Variants in USP13 observed in about 807,000 individuals in gnomAD.
The protein encoded by USP13 is ubiquitin specific peptidase 13, also known as ubiquitin carboxyl-terminal hydrolase 13.
A neutral mutation model predicts 107.8 loss-of-function variants in USP13; 68 were observed. That is an observed-to-expected ratio of 0.63 (90% CI 0.52 to 0.77). The LOEUF (loss-of-function observed/expected upper bound fraction) is 0.77. Among genes scored for constraint, USP13 ranks in the 30% least tolerant of loss-of-function variants. USP13 has a pLI of 0.00. For missense variants in USP13, 945 were observed against 1,093.3 expected (o/e 0.86, Z 1.91); for synonymous variants, 377 against 389.5 (o/e 0.97, Z 0.38).
intron 9 of USP13, 117 bp downstream of exon 9, chr3:179,730,377 G>A: frequency 8.8e-7 from 1 of 1,133,700 alleles, no homozygotes; most frequent in Non-Finnish European, 1.3e-6. Flanking sequence ...TTAAAAAAGT[G>A]TTCCAAAATG....
chr3:179,741,949 A>G (rs944366604), intron 11 of USP13, among the ~76,000 whole-genome samples: 3 of 151,638 alleles, frequency 2.0e-5, no homozygotes, highest in African/African-American at 7.3e-5. Context: ...TTTCTCTCCC[A>G]TGGTTTTTAA....
chr3:179,754,675 T>A (rs1428336453), intron 14 of USP13, 57 bp from the exon 15 acceptor site: 1 of 1,572,842 alleles, frequency 6.4e-7, no homozygotes, highest in East Asian at 2.3e-5. Context: ...ATAGTGCTGG[T>A]ATTATAATAA....
intron 6 of USP13, 58 bp downstream of exon 6, chr3:179,709,015 A>G: frequency 6.4e-7 from 1 of 1,554,034 alleles, no homozygotes; most frequent in Non-Finnish European, 8.7e-7. Flanking sequence ...AGATTTAACC[A>G]ATCCCTGAAT....
intron 14 of USP13, among the ~76,000 whole-genome samples, chr3:179,754,211 G>C (rs1714708007): frequency 6.6e-6 from 1 of 151,514 alleles, no homozygotes; most frequent in Admixed American, 6.5e-5. Flanking sequence ...ATAAGACTCA[G>C]AGTAGCACAA....
intron 10 of USP13, among the ~76,000 whole-genome samples, chr3:179,731,223 C>T (rs1713793532): frequency 6.6e-6 from 1 of 152,116 alleles, no homozygotes; most frequent in African/African-American, 2.4e-5. Context: ...CCAGCCTGGC[C>T]AACATGGTGA....
At chr3:179,708,006 C>T (rs1223665174) in intron 5 of USP13, among the ~76,000 whole-genome samples, 2 of 152,180 alleles carry the variant, frequency 1.3e-5, no homozygotes, top group African/African-American at 2.4e-5. Context: ...AGTTGGTCTC[C>T]TTTCTAATTA....
chr3:179,701,190 G>T (rs1712506472), intron 4 of USP13, 61 bp downstream of exon 4: 1 of 1,097,662 alleles, frequency 9.1e-7, no homozygotes, highest in Non-Finnish European at 1.2e-6. Flanking sequence ...GTGTGTGTGC[G>T]TGTGCGATGT....
intron 2 of USP13, among the ~76,000 whole-genome samples, chr3:179,683,028 T>C (rs962826706): frequency 3.9e-5 from 6 of 152,086 alleles, no homozygotes; most frequent in African/African-American, 1.4e-4. Context: ...ATCTAAATAT[T>C]TGGCACATCT....
rs144601583 is a variant in USP13 at position 179,708,924 on chromosome 3, G to A, written c.772G>A (p.Val258Met). The change falls in exon 6 of 21, where the codon GTG (valine) becomes ATG (methionine). Residue 258 changes from valine to methionine, a missense_variant. Physicochemically the swap from Val to Met is conservative, Grantham distance 21 (BLOSUM62 1). Transcript: ENST00000263966. ...HYRDMGYPLA[V>M]KLGTITPDGA... ...CAGAGACATGGGCTACCCACTAGCC[G>A]TGAAACTGGGAACCATCACTCCTGA... The A allele has an allele frequency of 3.3e-5, 53 of 1,614,034 alleles. No individual in the cohort carries two copies. The highest frequency in any genetic ancestry group is 4.2e-5 in the Non-Finnish European group (50 of 1,180,032).
intron 8 of USP13, among the ~76,000 whole-genome samples, chr3:179,728,742 G>A (rs1247223625): frequency 1.3e-5 from 2 of 152,204 alleles, no homozygotes; most frequent in African/African-American, 4.8e-5. Context: ...CACCTCGGGA[G>A]GCCGAGGCTG....
intron 1 of USP13, among the ~76,000 whole-genome samples, chr3:179,672,095 G>C (rs554132204): frequency 6.6e-6 from 1 of 152,256 alleles, no homozygotes; most frequent in South Asian, 2.1e-4. Context: ...AACACCTACC[G>C]ATTGACAAAG....
intron 15 of USP13, 96 bp downstream of exon 15, chr3:179,754,950 C>T (rs1387286179): frequency 2.1e-6 from 3 of 1,448,460 alleles, no homozygotes; most frequent in Non-Finnish European, 2.8e-6. Flanking sequence ...CTACCACCAC[C>T]ACCCATTGGT....
intron 15 of USP13, among the ~76,000 whole-genome samples, chr3:179,755,519 C>T (rs1323069481): frequency 2.0e-5 from 3 of 152,120 alleles, no homozygotes; most frequent in Admixed American, 6.5e-5. Context: ...AGGATGGTCT[C>T]GATCTCCTGA....
intron 16 of USP13, among the ~76,000 whole-genome samples, chr3:179,760,000 T>G (rs905079063): frequency 2.0e-5 from 3 of 152,156 alleles, no homozygotes; most frequent in African/African-American, 7.2e-5. Flanking sequence ...ACAAAATTTT[T>G]GTAGAACAGC....
intron 3 of USP13, among the ~76,000 whole-genome samples, chr3:179,691,168 A>T (rs148697716): frequency 8.6e-4 from 2 of 2,314 alleles, no homozygotes; most frequent in Non-Finnish European, 1.5e-3. Flanking sequence ...TCCTGTCTTT[A>T]AAAAAAAAAA....
In USP13 at chr3:179,727,935, C is replaced by A. The variant is rs1319578531; in HGVS notation, c.1089-2254C>A. Among the ~76,000 whole-genome samples, 2 of 65,318 alleles carry A rather than the reference C, an allele frequency of 3.1e-5. 1 individual carries two copies. Among genetic ancestry groups the A allele is most frequent in the Non-Finnish European group, 8.0e-5 (2 of 24,850 alleles). 42.9% of individuals were successfully genotyped at this position (65,318 alleles called of 152,430 possible). A position where few individuals can be genotyped will look rare whatever the true frequency, so the allele number is the denominator to read the frequency against. ...TGGCCAGGTGGGGGGCTGACCCCCC[C>A]ACCTCCCTCTCGGACGAGGCGGCTG... On this transcript the variant is annotated intron_variant, in intron 8 of 20. Transcript: ENST00000263966.
intron 19 of USP13, among the ~76,000 whole-genome samples, chr3:179,774,719 G>T (rs1015448200): frequency 6.6e-6 from 1 of 152,184 alleles, no homozygotes; most frequent in African/African-American, 2.4e-5. Flanking sequence ...GACCCAAGCA[G>T]GTTGCCACTG....
rs746689506 is a variant in USP13 at position 179,784,125 on chromosome 3, G to T, written c.2576G>T (p.Arg859Leu). The T allele has an allele frequency of 3.7e-6, 6 of 1,610,928 alleles. No individual in the cohort carries two copies. Among genetic ancestry groups the T allele is most frequent in the Admixed American group, 1.7e-5 (1 of 59,418 alleles). The change falls in exon 21 of 21, where the codon CGC becomes CTC. Residue 859 changes from arginine (R) to leucine (L), a missense_variant. By Grantham distance (102) the Arg-to-Leu change is moderately radical. Transcript: ENST00000263966. The stretch of plus-strand genomic sequence containing the variant: ...GACCTGGGCTACATGTACTTTTACC[G>T]CAGGATACCAAGCTAAACCTCAAAT... The part of the protein sequence containing the change: ...PKDLGYMYFY[R>L]RIPS
intron 7 of USP13, 27 bp downstream of exon 7, chr3:179,720,061 C>T (rs762283139): frequency 6.3e-7 from 1 of 1,587,176 alleles, no homozygotes; most frequent in Non-Finnish European, 8.6e-7. Context: ...TTTCTGTTTC[C>T]ATCTTGCATG....
Sources: allele counts gnomAD v4.1 joint callset (sites outside exome capture counted in the v4.1 genomes callset), GRCh38; gene constraint gnomAD v4.1.1; transcripts MANE v1.5; gene names NCBI Gene and HGNC (gene_info 2026-07-23, HGNC 2026-07-21).